TRIM2: variants seen among roughly 807,000 people sequenced by gnomAD.
TRIM2 encodes tripartite motif-containing protein 2.
In TRIM2, 20 loss-of-function variants were observed where a neutral mutation model predicts 75.2. The ratio of observed to expected loss-of-function variants is 0.27; its 90% CI spans 0.19 to 0.39. TRIM2 has a LOEUF of 0.39. Ranked by LOEUF, TRIM2 falls within the 10% of genes least tolerant of loss-of-function variation. The probability of loss-of-function intolerance (pLI) is 1.00; values close to 1 mark genes in which losing one functional copy is unlikely to be tolerated. For synonymous variants in TRIM2, 373 were observed against 388.3 expected, an observed-to-expected ratio of 0.96 and a Z score of 0.46; for missense variants, 660 against 990.8, an observed-to-expected ratio of 0.67 and a Z score of 4.48.
rs186551270 is a variant in TRIM2, at chr4:153,292,077, A to G, written c.454-905A>G. 2.4e-4 allele frequency among the ~76,000 whole-genome samples: 37 copies of G among 152,356 alleles called. 1 individual carries two copies. Among genetic ancestry groups the G allele is most frequent in the Admixed American group, 2.4e-3 (36 of 15,296 alleles). ...GGTCCAGGAACCCTTGTGGGTCCCA[A>G]GACGTTTTCAAGCAGTCTTCAAGGT... On this transcript the variant is annotated intron_variant, in intron 3 of 11. Transcript: ENST00000338700.
chr4:153,245,480 A>G (rs1560877966), intron 1 of TRIM2, among the ~76,000 whole-genome samples: 1 of 152,380 alleles, frequency 6.6e-6, no homozygotes, highest in East Asian at 1.9e-4. Context: ...TGTGAGCCAA[A>G]TCTGGCCCAC....
intron 1 of TRIM2, among the ~76,000 whole-genome samples, chr4:153,184,960 C>T (rs978070831): frequency 6.6e-6 from 1 of 152,158 alleles, no homozygotes; most frequent in African/African-American, 2.4e-5. Context: ...ACAACAACAA[C>T]GTTTTCCCTG....
intron 1 of TRIM2, among the ~76,000 whole-genome samples, chr4:153,182,128 T>C (rs978651076): frequency 4.0e-5 from 6 of 151,536 alleles, no homozygotes; most frequent in Admixed American, 3.3e-4. Context: ...AGAGATAAGA[T>C]GTGGTAGAGG....
At position 153,336,596 on chromosome 4, in the gene TRIM2, GTCT is replaced by G. The variant is rs1317267571; in HGVS notation, c.*1636_*1638del. 2.0e-6 allele frequency: 2 copies of G among 985,582 alleles called. No homozygotes were observed. The highest frequency in any genetic ancestry group is 5.2e-4 in the Middle Eastern group (1 of 1,936). The allele number at this position is 985,582 out of a possible 1,614,324, so 61.1% of individuals were successfully genotyped here. A position where few individuals can be genotyped will look rare whatever the true frequency, so the allele number is the denominator to read the frequency against. On this transcript the variant is annotated 3_prime_UTR_variant, in exon 12 of 12. Coordinates refer to ENST00000338700, the MANE Select transcript of TRIM2 (RefSeq NM_015271.5). ...TGACATTTTTGATAGTGACTTTGGG[GTCT>G]TCTTCACTGAAAGCACCTTAGAACT...
In TRIM2 at chr4:153,254,527, G is replaced by A. The variant is rs183561346; in HGVS notation, c.31-15808G>A. Among the ~76,000 whole-genome samples the A allele has an allele frequency of 2.3e-3, 345 of 152,210 alleles. 1 individual carries two copies. Among genetic ancestry groups the A allele is most frequent in the African/African-American group, 7.8e-3 (323 of 41,544 alleles). On this transcript the variant is annotated intron_variant, in intron 1 of 11. Coordinates refer to ENST00000338700, the MANE Select transcript of TRIM2 (RefSeq NM_015271.5). ...GAGACCCCCGAGTCCGGCCACTTGA[G>A]GCCACAATATGGGAAACTCCAACTC...
chr4:153,159,881 T>A (rs1729587922), intron 1 of TRIM2, among the ~76,000 whole-genome samples: 1 of 152,216 alleles, frequency 6.6e-6, no homozygotes, highest in Non-Finnish European at 1.5e-5. Flanking sequence ...AAATAAACTT[T>A]GAAAAAATTC....
At chr4:153,328,711 ATTTG>A in intron 11 of TRIM2, 41 bp downstream of exon 11, 1 of 1,514,934 alleles carries the variant, frequency 6.6e-7, no homozygotes, top group Non-Finnish European at 8.8e-7. Flanking sequence ...AGTGTTTGGT[ATTTG>A]TTAAAAGTGA....
In TRIM2 at chr4:153,266,106, T is replaced by A. The variant is rs545895993; in HGVS notation, c.31-4229T>A. ...TATACCGTTTAACTATGCAGTGAGTTCTGTCTGAATGTGACACTCTTGTAT... is the reference window on the plus strand; with the variant it reads ...TATACCGTTTAACTATGCAGTGAGTACTGTCTGAATGTGACACTCTTGTAT... On this transcript the variant is annotated intron_variant, in intron 1 of 11. Transcript: ENST00000338700. Among the ~76,000 whole-genome samples the A allele has an allele frequency of 3.9e-5, 6 of 152,306 alleles. No homozygotes were observed. The South Asian group carries it at 8.3e-4, about 21-fold the overall frequency.
chr4:153,319,469 C>G (rs1291345431), intron 8 of TRIM2, among the ~76,000 whole-genome samples: 2 of 152,140 alleles, frequency 1.3e-5, no homozygotes, highest in East Asian at 3.8e-4. Flanking sequence ...TGGCTCACAT[C>G]TGTAATCCCA....
chr4:153,319,916 GC>G (rs1768557270), intron 8 of TRIM2, among the ~76,000 whole-genome samples: 1 of 152,006 alleles, frequency 6.6e-6, no homozygotes, highest in Non-Finnish European at 1.5e-5. Flanking sequence ...TTTCAGATCT[GC>G]CCTAGTTGTC....
chr4:153,169,659 T>A (rs1056733342), intron 1 of TRIM2, among the ~76,000 whole-genome samples: 2 of 152,178 alleles, frequency 1.3e-5, no homozygotes, highest in African/African-American at 4.8e-5. Flanking sequence ...ACAAAAAAAA[T>A]TAAGCCATAG....
At chr4:153,267,772 C>G (rs1490471005) in intron 1 of TRIM2, among the ~76,000 whole-genome samples, 1 of 151,920 alleles carries the variant, frequency 6.6e-6, no homozygotes, top group African/African-American at 2.4e-5. Flanking sequence ...TCTTTTCCTT[C>G]TTTATTTCTT....
intron 6 of TRIM2, among the ~76,000 whole-genome samples, chr4:153,299,136 C>G (rs1763349363): frequency 6.6e-6 from 1 of 152,130 alleles, no homozygotes; most frequent in African/African-American, 2.4e-5. Context: ...CAACATCTCT[C>G]CAGTCCTTTT....
chr4:153,263,418 T>G (rs1329033584), intron 1 of TRIM2, among the ~76,000 whole-genome samples: 1 of 152,292 alleles, frequency 6.6e-6, no homozygotes, highest in African/African-American at 2.4e-5. Context: ...ACAACCACAC[T>G]CTTTATCATG....
intron 3 of TRIM2, among the ~76,000 whole-genome samples, chr4:153,284,280 A>C (rs544771684): frequency 6.7e-6 from 1 of 149,268 alleles, no homozygotes; most frequent in African/African-American, 2.5e-5. Context: ...GGTTTACTCC[A>C]ACCTCTGCCT....
intron 1 of TRIM2, among the ~76,000 whole-genome samples, chr4:153,206,623 G>A (rs1453451534): frequency 6.6e-6 from 1 of 152,062 alleles, no homozygotes; most frequent in African/African-American, 2.4e-5. Context: ...CATTACAAAG[G>A]CATGATTGAT....
chr4:153,172,433 C>A (rs113633727), intron 1 of TRIM2, among the ~76,000 whole-genome samples: 3,603 of 152,256 alleles, frequency 0.024, 157 homozygotes, highest in African/African-American at 0.081. Context: ...ATGATCCGCC[C>A]GCCTTGGCCT....
chr4:153,181,380 G>C (rs1052577631), intron 1 of TRIM2, among the ~76,000 whole-genome samples: 5 of 152,236 alleles, frequency 3.3e-5, no homozygotes, highest in Non-Finnish European at 5.9e-5. Flanking sequence ...AGTTTCAGGA[G>C]AGGGGAATGG....
intron 3 of TRIM2, among the ~76,000 whole-genome samples, chr4:153,276,714 G>A (rs528211311): frequency 6.6e-6 from 1 of 152,340 alleles, no homozygotes; most frequent in African/African-American, 2.4e-5. Flanking sequence ...AACCTGAAGA[G>A]GCAGCATTGT....
Sources: gnomAD v4.1 joint callset for allele counts (sites outside exome capture counted in the v4.1 genomes callset) on GRCh38, gnomAD v4.1.1 for gene constraint, MANE v1.5 for transcripts, NCBI Gene and HGNC (gene_info 2026-07-23, HGNC 2026-07-21) for gene names.